CNBD1: variants seen among roughly 807,000 people sequenced by gnomAD.
The protein encoded by CNBD1 is cyclic nucleotide-binding domain-containing protein 1.
CNBD1 carries 71 observed loss-of-function variants against 54.4 expected under a neutral mutation model. That is an observed-to-expected ratio of 1.30 (90% CI 1.08 to 1.59). The LOEUF is 1.59. Among genes scored for constraint, CNBD1 ranks in the 40% most tolerant of loss-of-function variants. The pLI, the probability that CNBD1 is intolerant of heterozygous loss-of-function variation, is 0.00. For missense variants in CNBD1, 659 were observed against 518.0 expected (o/e 1.27, Z -2.64); for synonymous variants, 182 against 170.7 (o/e 1.07, Z -0.51).
At chr8:87,329,363 C>T (rs113705200) in intron 8 of CNBD1, among the ~76,000 whole-genome samples, 6,674 of 152,146 alleles carry the variant, frequency 0.044, 193 homozygotes, top group Non-Finnish European at 0.06. Context: ...TGTTCTTCTT[C>T]AATATTGTAT....
At chr8:86,876,080 T>C (rs1808515981) in intron 1 of CNBD1, among the ~76,000 whole-genome samples, 3 of 152,238 alleles carry the variant, frequency 2.0e-5, no homozygotes, top group East Asian at 3.9e-4. Flanking sequence ...TTTGAAAGCT[T>C]TTCTATGTTT....
At chr8:87,139,898 T>C (rs1812337632) in intron 4 of CNBD1, among the ~76,000 whole-genome samples, 2 of 152,164 alleles carry the variant, frequency 1.3e-5, no homozygotes, top group South Asian at 2.1e-4. Flanking sequence ...CATATTGACT[T>C]GATGCTATCT....
intron 10 of CNBD1, among the ~76,000 whole-genome samples, chr8:87,364,827 C>A (rs188010960): frequency 1.3e-5 from 2 of 152,172 alleles, no homozygotes; most frequent in African/African-American, 4.8e-5. Context: ...TGATATCATT[C>A]TTTTTTATGG....
At chr8:86,923,039 G>C (rs1809300582) in intron 3 of CNBD1, among the ~76,000 whole-genome samples, 1 of 152,146 alleles carries the variant, frequency 6.6e-6, no homozygotes, top group Non-Finnish European at 1.5e-5. Context: ...GGCCTTGAGA[G>C]TGAGTTCTCC....
intron 4 of CNBD1, among the ~76,000 whole-genome samples, chr8:86,941,428 A>T (rs545201688): frequency 6.6e-6 from 1 of 152,318 alleles, no homozygotes; most frequent in African/African-American, 2.4e-5. Flanking sequence ...ATTGCATCAG[A>T]TTCCAAAATT....
chr8:86,938,091 C>T (rs56007240), intron 3 of CNBD1, among the ~76,000 whole-genome samples: 45,222 of 151,934 alleles, frequency 0.3, 6,945 homozygotes, highest in East Asian at 0.39. Flanking sequence ...TCTAAATCAT[C>T]TCCCTCAAGT....
chr8:87,238,859 TTATTG>T (rs1207634965), intron 6 of CNBD1, among the ~76,000 whole-genome samples: 1 of 152,088 alleles, frequency 6.6e-6, no homozygotes, highest in Admixed American at 6.6e-5. Context: ...CCTCTTCCTT[TTATTG>T]TATTCCTTTA....
intron 3 of CNBD1, among the ~76,000 whole-genome samples, chr8:86,926,925 A>C (rs1809370921): frequency 6.6e-6 from 1 of 152,104 alleles, no homozygotes; most frequent in South Asian, 2.1e-4. Context: ...ATGGCCCTCT[A>C]CTGATAGACT....
Position 87,208,383 on chromosome 8 carries a change from ATAT to A in CNBD1, c.577+2252_577+2254del, listed in dbSNP as rs201485760. ...TAAAATGCTACAAAAAATGATTACT[ATAT>A]TATTATATTATTTACTGACTATATT... On this transcript the variant is annotated intron_variant, in intron 5 of 10. Coordinates refer to ENST00000518476, the MANE Select transcript of CNBD1 (RefSeq NM_173538.3). Among the ~76,000 whole-genome samples the A allele has an allele frequency of 6.5e-3, 987 of 151,946 alleles. 12 individuals are homozygous for A. Among genetic ancestry groups the A allele is most frequent in the African/African-American group, 0.021 (864 of 41,518 alleles).
chr8:87,419,107 A>AAAAT (rs146745104), intron 2 of CNBD1, among the ~76,000 whole-genome samples: 2 of 151,162 alleles, frequency 1.3e-5, no homozygotes, highest in Admixed American at 6.6e-5. Context: ...ATGTATATAT[A>AAAAT]TATTCATTCA....
At chr8:87,097,367 C>A (rs914649106) in intron 4 of CNBD1, among the ~76,000 whole-genome samples, 1 of 152,134 alleles carries the variant, frequency 6.6e-6, no homozygotes, top group Non-Finnish European at 1.5e-5. Flanking sequence ...CATGAGATCA[C>A]GTGTCTCCAA....
At chr8:87,362,310 C>T (rs927771560) in intron 10 of CNBD1, among the ~76,000 whole-genome samples, 4 of 152,054 alleles carry the variant, frequency 2.6e-5, no homozygotes, top group Non-Finnish European at 4.4e-5. Context: ...AATGAGAATA[C>T]TGCAACAGGT....
At chr8:87,411,307 G>C (rs993922116) in intron 2 of CNBD1, among the ~76,000 whole-genome samples, 2 of 148,960 alleles carry the variant, frequency 1.3e-5, no homozygotes, top group Non-Finnish European at 3.0e-5. Context: ...ACAACCCTAT[G>C]TTTAACTTGT....
chr8:86,977,162 T>C (rs1228399396), intron 4 of CNBD1, among the ~76,000 whole-genome samples: 1 of 152,066 alleles, frequency 6.6e-6, no homozygotes, highest in Non-Finnish European at 1.5e-5. Flanking sequence ...TGTTGCCTTG[T>C]CACCTATGGC....
intron 4 of CNBD1, among the ~76,000 whole-genome samples, chr8:87,118,392 A>G (rs1478808653): frequency 1.3e-5 from 2 of 151,618 alleles, no homozygotes; most frequent in East Asian, 3.9e-4. Flanking sequence ...GTGGAGGTGC[A>G]TGGTTCATGT....
intron 3 of CNBD1, among the ~76,000 whole-genome samples, chr8:86,936,496 T>A (rs1563828494): frequency 6.6e-6 from 1 of 152,092 alleles, no homozygotes; most frequent in Non-Finnish European, 1.5e-5. Context: ...ATCCCAGCAC[T>A]TTGAGAGGCA....
At chr8:87,136,969 A>ATATAT (rs1308406244) in intron 4 of CNBD1, among the ~76,000 whole-genome samples, 112 of 58,978 alleles carry the variant, frequency 1.9e-3, no homozygotes, top group Non-Finnish European at 2.5e-3. Flanking sequence ...TGTAAATTAT[A>ATATAT]TATATTTATA....
At chr8:87,084,795 G>T (rs1361250356) in intron 4 of CNBD1, among the ~76,000 whole-genome samples, 1 of 151,840 alleles carries the variant, frequency 6.6e-6, no homozygotes, top group Non-Finnish European at 1.5e-5. Flanking sequence ...TCCTGCCTCA[G>T]TCTCCTGAAT....
At chr8:87,184,275 G>T (rs1028619968) in intron 4 of CNBD1, among the ~76,000 whole-genome samples, 9 of 152,196 alleles carry the variant, frequency 5.9e-5, no homozygotes, top group African/African-American at 1.7e-4. Context: ...GGCAGCTGAG[G>T]CTGGGTGGCA....
Sources: allele counts gnomAD v4.1 joint callset (sites outside exome capture counted in the v4.1 genomes callset), GRCh38; gene constraint gnomAD v4.1.1; transcripts MANE v1.5; gene names NCBI Gene and HGNC (gene_info 2026-07-23, HGNC 2026-07-21).